Variants in PRPSAP2 observed in about 807,000 individuals in gnomAD.
The protein encoded by PRPSAP2 is phosphoribosyl pyrophosphate synthetase associated protein 2.
Under a neutral mutation model 40.6 loss-of-function variants are expected in PRPSAP2, and 24 were observed. That is an observed-to-expected ratio of 0.59 (90% CI 0.43 to 0.83). PRPSAP2 has a LOEUF of 0.83. Among genes scored for constraint, PRPSAP2 ranks in the 40% least tolerant of loss-of-function variants. The pLI, the probability that PRPSAP2 is intolerant of heterozygous loss-of-function variation, is 0.00. For synonymous variants in PRPSAP2, 149 were observed against 164.7 expected (o/e 0.90, Z 0.73); for missense variants, 292 against 465.6 (o/e 0.63, Z 3.43).
chr17:18,908,116 G>A (rs2040713720), intron 8 of PRPSAP2, among the ~76,000 whole-genome samples: 2 of 152,064 alleles, frequency 1.3e-5, no homozygotes, highest in Non-Finnish European at 2.9e-5. Flanking sequence ...CCAAGATCAC[G>A]CCACTGCACT....
Position 18,930,592 on chromosome 17 carries a change from A to G in PRPSAP2, c.1004A>G (p.Lys335Arg). The change falls in exon 12 of 12, where the codon AAG (lysine) becomes AGG (arginine). Residue 335 changes from lysine to arginine, a missense_variant. By Grantham distance (26) the Lys-to-Arg change is conservative (BLOSUM62 2). This residue lies in a region of PRPSAP2 where 241 missense variants were observed against 425.7 expected (regional missense o/e 0.57). Coordinates refer to ENST00000268835, the MANE Select transcript of PRPSAP2 (RefSeq NM_002767.4). ...PHEVQKLQCP[K>R]IKTVDISMIL... is the part of the protein sequence containing the mutation. Reference sequence around the variant, plus strand: ...GAAGTCCAGAAGCTCCAGTGCCCCAAGATTAAAACTGTGGATATCAGCATG... The same window carrying G: ...GAAGTCCAGAAGCTCCAGTGCCCCAGGATTAAAACTGTGGATATCAGCATG... 1 of 1,613,936 alleles carries G rather than the reference A, an allele frequency of 6.2e-7. No homozygotes were observed. The highest frequency in any genetic ancestry group is 8.5e-7 in the Non-Finnish European group (1 of 1,179,860).
chr17:18,877,598 G>C, intron 5 of PRPSAP2, 100 bp from the exon 6 acceptor site: 1 of 1,155,520 alleles, frequency 8.7e-7, no homozygotes, highest in Admixed American at 2.6e-5. Context: ...TTGCACCTTA[G>C]GTTGTATAAA....
intron 1 of PRPSAP2, among the ~76,000 whole-genome samples, chr17:18,860,186 A>G (rs377704901): frequency 1.6e-4 from 25 of 152,266 alleles, no homozygotes; most frequent in African/African-American, 5.5e-4. Context: ...CAGCTGCGCA[A>G]GTAGCTGGGG....
chr17:18,869,104 G>A (rs973982497), intron 4 of PRPSAP2, among the ~76,000 whole-genome samples: 2 of 152,132 alleles, frequency 1.3e-5, no homozygotes, highest in Admixed American at 6.6e-5. Context: ...GAAGGTGAAA[G>A]GGAGAAGCAG....
chr17:18,866,147 A>G (rs1358578281), intron 3 of PRPSAP2, among the ~76,000 whole-genome samples, 195 bp downstream of exon 3: 6 of 151,976 alleles, frequency 3.9e-5, no homozygotes, highest in African/African-American at 1.5e-4. Context: ...GTATATATTA[A>G]GGGCTATTCT....
At position 18,905,862 on chromosome 17, in the gene PRPSAP2, C is replaced by T. The variant is rs1597689575; in HGVS notation, c.585-5241C>T. Among the ~76,000 whole-genome samples, 4 of 152,242 alleles carry T rather than the reference C, an allele frequency of 2.6e-5. No individual in the cohort carries two copies. In the East Asian group the frequency reaches 7.7e-4, roughly 29 times the overall value. ...CCTCCCAAAGTGCTGGGATTACAGG[C>T]GTGAGCCACTGCTCCTGGCCACTCT... is the stretch of plus-strand genomic sequence containing the variant. On this transcript the variant is annotated intron_variant, in intron 8 of 11. Coordinates refer to ENST00000268835, the MANE Select transcript of PRPSAP2 (RefSeq NM_002767.4).
intron 9 of PRPSAP2, among the ~76,000 whole-genome samples, chr17:18,918,200 C>T (rs906766264): frequency 6.6e-6 from 1 of 152,236 alleles, no homozygotes; most frequent in Non-Finnish European, 1.5e-5. Flanking sequence ...GGTTAAATCT[C>T]CTAAGGGGTG....
chr17:18,908,375 C>T, intron 8 of PRPSAP2: 2 of 771,262 alleles, frequency 2.6e-6, no homozygotes, highest in Non-Finnish European at 4.8e-6. Flanking sequence ...TCTTCCTGAG[C>T]AAGAAATTAA....
At chr17:18,858,918 T>G (rs1381402428) in intron 1 of PRPSAP2, among the ~76,000 whole-genome samples, 1 of 152,120 alleles carries the variant, frequency 6.6e-6, no homozygotes, top group Non-Finnish European at 1.5e-5. Flanking sequence ...TCACCCACAT[T>G]ATTGAACCCC....
intron 8 of PRPSAP2, chr17:18,908,537 C>G (rs1387012505): frequency 1.3e-6 from 1 of 750,600 alleles, no homozygotes. Context: ...CCTCCTCATG[C>G]GGAGGGACAA....
At chr17:18,924,394 A>G (rs1237817186) in intron 10 of PRPSAP2, among the ~76,000 whole-genome samples, 2 of 152,252 alleles carry the variant, frequency 1.3e-5, no homozygotes, top group Admixed American at 1.3e-4. Flanking sequence ...GTATGGCCAG[A>G]TAATTCTTAT....
intron 9 of PRPSAP2, among the ~76,000 whole-genome samples, chr17:18,920,475 C>T (rs1173737881): frequency 1.3e-5 from 2 of 151,984 alleles, no homozygotes; most frequent in East Asian, 1.9e-4. Context: ...CACTACAGGC[C>T]GTCTTTGGGA....
intron 9 of PRPSAP2, among the ~76,000 whole-genome samples, chr17:18,919,194 C>T (rs73304491): frequency 0.097 from 14,792 of 152,066 alleles, 900 homozygotes; most frequent in African/African-American, 0.17. Flanking sequence ...AGCACAACCC[C>T]GTTTCTACAA....
Position 18,877,683 on chromosome 17 carries a change from G to A in PRPSAP2, c.240-15G>A, listed in dbSNP as rs375670818. ...TGTAGATCCCTTGATGAGATTTGCT[G>A]TGTCTTTGTTACAGGGACGTGAACA... On this transcript the variant is annotated splice_polypyrimidine_tract_variant and intron_variant, in intron 5 of 11. Transcript: ENST00000268835. 5 of 1,594,864 alleles carry A rather than the reference G, an allele frequency of 3.1e-6. No individual in the cohort carries two copies. Among genetic ancestry groups the A allele is most frequent in the Non-Finnish European group, 4.3e-6 (5 of 1,172,380 alleles).
At chr17:18,908,334 A>G (rs143152109) in intron 8 of PRPSAP2, 10,073 of 776,240 alleles carry the variant, frequency 0.013, 95 homozygotes, top group Non-Finnish European at 0.019. Flanking sequence ...GATGAGTCCA[A>G]CCATGACCCT....
At chr17:18,890,298 T>C (rs895821083) in intron 8 of PRPSAP2, among the ~76,000 whole-genome samples, 4 of 151,798 alleles carry the variant, frequency 2.6e-5, no homozygotes, top group Non-Finnish European at 2.9e-5. Context: ...GCCTCCCAAG[T>C]AGCTGGGATT....
chr17:18,868,357 C>A (rs1196537727), intron 4 of PRPSAP2, among the ~76,000 whole-genome samples: 1 of 151,976 alleles, frequency 6.6e-6, no homozygotes, highest in African/African-American at 2.4e-5. Context: ...CGCCTATAAT[C>A]CCAGCTCCTG....
At chr17:18,918,556 C>T (rs1233050567) in intron 9 of PRPSAP2, among the ~76,000 whole-genome samples, 7 of 152,328 alleles carry the variant, frequency 4.6e-5, no homozygotes, top group Middle Eastern at 3.4e-3. Flanking sequence ...TAAATACACT[C>T]GTGTCCTAGA....
At chr17:18,874,055 C>T (rs906784381) in intron 5 of PRPSAP2, among the ~76,000 whole-genome samples, 2 of 152,102 alleles carry the variant, frequency 1.3e-5, no homozygotes, top group African/African-American at 2.4e-5. Flanking sequence ...CAGGCATGCA[C>T]CAGCATGCTC....
Sources: gnomAD v4.1 joint callset for allele counts (sites outside exome capture counted in the v4.1 genomes callset) on GRCh38, gnomAD v4.1.1 for gene constraint, gnomAD v4.1.1 regional missense constraint, MANE v1.5 for transcripts, NCBI Gene and HGNC (gene_info 2026-07-23, HGNC 2026-07-21) for gene names.